The following MN1 variants were observed in gnomAD, a reference collection of about 807,000 sequenced individuals.
MN1 encodes MN1 proto-oncogene, transcriptional regulator, also known as transcriptional activator MN1.
In MN1, 19 loss-of-function variants were observed where a neutral mutation model predicts 86.9. The ratio of observed to expected loss-of-function variants is 0.22; its 90% CI spans 0.15 to 0.32. The LOEUF (loss-of-function observed/expected upper bound fraction) is 0.32. Ranked by LOEUF, MN1 falls within the 10% of genes least tolerant of loss-of-function variation. The pLI is 1.00. For synonymous variants in MN1, 928 were observed against 849.6 expected (o/e 1.09, Z -1.60); for missense variants, 1,841 against 1,862.0 (o/e 0.99, Z 0.21).
At chr22:27,752,759 T>C (rs1932776828) in intron 1 of MN1, among the ~76,000 whole-genome samples, 1 of 152,128 alleles carries the variant, frequency 6.6e-6, no homozygotes, top group South Asian at 2.1e-4. Flanking sequence ...GGTTTGAATA[T>C]GGGCTGATGT....
intron 1 of MN1, among the ~76,000 whole-genome samples, chr22:27,767,891 T>C (rs1932882331): frequency 6.6e-6 from 1 of 152,104 alleles, no homozygotes; most frequent in Non-Finnish European, 1.5e-5. Flanking sequence ...TTCTAAGCAT[T>C]TCATGTATAT....
intron 1 of MN1, among the ~76,000 whole-genome samples, chr22:27,757,493 G>A (rs1229720228): frequency 3.3e-5 from 5 of 152,206 alleles, no homozygotes; most frequent in Non-Finnish European, 7.3e-5. Flanking sequence ...TGAGAATTCC[G>A]GGCATATTTT....
chr22:27,788,347 C>T (rs188854875), intron 1 of MN1, among the ~76,000 whole-genome samples: 18 of 152,230 alleles, frequency 1.2e-4, no homozygotes, highest in Admixed American at 1.1e-3. Flanking sequence ...CTTGCAAGGA[C>T]GCTTTCAAAC....
At chr22:27,763,802 CG>C (rs372905741) in intron 1 of MN1, among the ~76,000 whole-genome samples, 4 of 152,288 alleles carry the variant, frequency 2.6e-5, no homozygotes, top group African/African-American at 7.2e-5. Flanking sequence ...AGAGATATTC[CG>C]GTAAACATGA....
chr22:27,765,848 A>G (rs1201917860), intron 1 of MN1, among the ~76,000 whole-genome samples: 2 of 152,040 alleles, frequency 1.3e-5, no homozygotes, highest in African/African-American at 4.8e-5. Context: ...GTGGAGAGAG[A>G]CGGGGAGCAG....
rs1026521288 is a variant in MN1, at chr22:27,760,819, C to T, written c.3782-9723G>A. On this transcript the variant is annotated intron_variant, in intron 1 of 1. Coordinates refer to ENST00000302326, the MANE Select transcript of MN1 (RefSeq NM_002430.3). ...CCATCAATAGTGTCACCGTGGCAAT[C>T]GAGAAAAGGAAAAGGGAAAGCAGAC... Among the ~76,000 whole-genome samples the T allele has an allele frequency of 3.9e-5, 6 of 152,272 alleles. No homozygotes were observed. In the South Asian group the frequency reaches 6.2e-4, roughly 16 times the overall value.
At chr22:27,784,333 C>T (rs1933092654) in intron 1 of MN1, among the ~76,000 whole-genome samples, 1 of 152,176 alleles carries the variant, frequency 6.6e-6, no homozygotes, top group Non-Finnish European at 1.5e-5. Flanking sequence ...CCATATCCAC[C>T]CAAAATGTGG....
In MN1 at chr22:27,797,940, C is replaced by G. The variant is rs765014064; in HGVS notation, c.2604G>C (p.Ala868=). ...CCGAGCCCGGGTTGCCGGCCACTGC[C>G]GCGCCGTCGGTCTCGTTCTGGCTCA... is the stretch of plus-strand genomic sequence containing the variant. The part of the protein sequence containing the change: ...RKLSQNETDG[A]AVAGNPGSDY... Residue 868 remains alanine, a synonymous_variant, in exon 1 of 2, where the codon GCG becomes GCC. Coordinates refer to ENST00000302326, the MANE Select transcript of MN1 (RefSeq NM_002430.3). The G allele has an allele frequency of 6.3e-7, 1 of 1,596,460 alleles. No homozygotes were observed. The highest frequency in any genetic ancestry group is 1.1e-5 in the South Asian group (1 of 88,952).
intron 1 of MN1, among the ~76,000 whole-genome samples, chr22:27,753,327 G>T (rs1317543184): frequency 1.3e-5 from 2 of 152,206 alleles, no homozygotes; most frequent in Non-Finnish European, 2.9e-5. Flanking sequence ...TCACTTTGAA[G>T]TCACAGCCCC....
intron 1 of MN1, among the ~76,000 whole-genome samples, chr22:27,758,306 G>C (rs1160267672): frequency 3.3e-5 from 5 of 152,104 alleles, no homozygotes; most frequent in South Asian, 2.1e-4. Context: ...TCTGCCTAGA[G>C]CACCTGCCCC....
chr22:27,754,598 C>T (rs1020189765), intron 1 of MN1, among the ~76,000 whole-genome samples: 7 of 152,226 alleles, frequency 4.6e-5, no homozygotes. Context: ...ACTCATCCTC[C>T]CGCTGGATTC....
Position 27,800,200 on chromosome 22 carries a change from C to T in MN1, c.344G>A (p.Gly115Glu). ...HHPHQHHPHF[G>E]GNFGGPDPGA... ...GGGGTCCGGGCCACCGAAGTTGCCC[C>T]CAAAGTGGGGGTGATGCTGGTGGGG... The change falls in exon 1 of 2, where the codon GGG (glycine) becomes GAG (glutamate). Residue 115 changes from glycine to glutamate, a missense_variant. Coordinates refer to ENST00000302326, the MANE Select transcript of MN1 (RefSeq NM_002430.3). 1 of 1,558,286 alleles carries T rather than the reference C, an allele frequency of 6.4e-7. No individual in the cohort carries two copies. Among genetic ancestry groups the T allele is most frequent in the Non-Finnish European group, 8.7e-7 (1 of 1,155,012 alleles).
chr22:27,776,262 T>C (rs1192103884), intron 1 of MN1, among the ~76,000 whole-genome samples: 1 of 152,118 alleles, frequency 6.6e-6, no homozygotes, highest in East Asian at 1.9e-4. Flanking sequence ...GGGATTCACT[T>C]AGAGGTCCCA....
intron 1 of MN1, among the ~76,000 whole-genome samples, chr22:27,768,614 T>C (rs1932888555): frequency 6.6e-6 from 1 of 152,190 alleles, no homozygotes; most frequent in Admixed American, 6.5e-5. Flanking sequence ...TGGTAGCCAC[T>C]AGCCATGTGC....
At chr22:27,787,552 A>C (rs942826722) in intron 1 of MN1, among the ~76,000 whole-genome samples, 3 of 152,118 alleles carry the variant, frequency 2.0e-5, no homozygotes, top group African/African-American at 7.2e-5. Flanking sequence ...CAGAGAAAGG[A>C]AAAATATATA....
At chr22:27,763,904 C>T (rs1353725024) in intron 1 of MN1, among the ~76,000 whole-genome samples, 2 of 152,176 alleles carry the variant, frequency 1.3e-5, no homozygotes, top group Admixed American at 1.3e-4. Flanking sequence ...TGGAAGACTT[C>T]ACAGAGGAGG....
At chr22:27,795,359 C>T (rs879760881) in intron 1 of MN1, among the ~76,000 whole-genome samples, 4 of 152,132 alleles carry the variant, frequency 2.6e-5, no homozygotes, top group African/African-American at 7.2e-5. Flanking sequence ...AGCCCACTCT[C>T]GCTTCCTCTC....
chr22:27,779,000 A>G (rs1933015772), intron 1 of MN1, among the ~76,000 whole-genome samples: 1 of 152,104 alleles, frequency 6.6e-6, no homozygotes, highest in South Asian at 2.1e-4. Context: ...TTCCTTCCCT[A>G]CCCACCCCTG....
In MN1 at chr22:27,774,956, C is replaced by T. The variant is rs188374406; in HGVS notation, c.3781+21807G>A. On this transcript the variant is annotated intron_variant, in intron 1 of 1. Coordinates refer to ENST00000302326, the MANE Select transcript of MN1 (RefSeq NM_002430.3). Reference sequence around the variant, plus strand: ...CAGCTTGCATAGCCCCTGGGCAACTCCACAGGTGATGGGGAGCCGGTAGGT... The same window carrying T: ...CAGCTTGCATAGCCCCTGGGCAACTTCACAGGTGATGGGGAGCCGGTAGGT... Among the ~76,000 whole-genome samples, 130 of 152,326 alleles carry T rather than the reference C, an allele frequency of 8.5e-4. 2 individuals carry two copies. The highest frequency in any genetic ancestry group is 8.4e-3 in the Admixed American group (128 of 15,310).
Sources: gnomAD v4.1 joint callset for allele counts (sites outside exome capture counted in the v4.1 genomes callset) on GRCh38, gnomAD v4.1.1 for gene constraint, MANE v1.5 for transcripts, NCBI Gene and HGNC (gene_info 2026-07-23, HGNC 2026-07-21) for gene names.